The following NKAIN3 variants were observed in gnomAD, a reference collection of about 807,000 sequenced individuals.
The protein encoded by NKAIN3 is sodium/potassium-transporting ATPase subunit beta-1-interacting protein 3.
NKAIN3 carries 25 observed loss-of-function variants against 30.2 expected under a neutral mutation model. The observed-to-expected ratio is 0.83, with a 90% CI of 0.60 to 1.16. The LOEUF (loss-of-function observed/expected upper bound fraction) is 1.16, where lower values mean the gene tolerates loss of function less well. Among genes scored for constraint, NKAIN3 ranks in the 50% most tolerant of loss-of-function variants. The pLI is 0.00. For synonymous variants in NKAIN3, 91 were observed against 89.6 expected (o/e 1.02, Z -0.09); for missense variants, 225 against 254.1 (o/e 0.89, Z 0.78).
chr8:62,912,297 G>T (rs1168160748), intron 4 of NKAIN3, among the ~76,000 whole-genome samples: 1 of 152,158 alleles, frequency 6.6e-6, no homozygotes, highest in Non-Finnish European at 1.5e-5. Context: ...CTCTCGGTAA[G>T]TTGGTGAGGG....
rs573052716 is a variant in NKAIN3, at chr8:62,319,543, G to A, written c.54+70416G>A. Among the ~76,000 whole-genome samples, 41 of 152,048 alleles carry A rather than the reference G, an allele frequency of 2.7e-4. No homozygotes were observed. In the South Asian group the frequency reaches 5.2e-3, roughly 19 times the overall value. ...TCTGGTATGTTGTGTCTTTGTTCTC[G>A]TTGGTTTCAAAGAACATATTTATTT... On this transcript the variant is annotated intron_variant, in intron 1 of 6. Transcript: ENST00000623646.
intron 3 of NKAIN3, among the ~76,000 whole-genome samples, chr8:62,666,305 G>A (rs909873415): frequency 6.6e-6 from 1 of 152,128 alleles, no homozygotes; most frequent in Non-Finnish European, 1.5e-5. Context: ...ATATATGTGT[G>A]TGAGAAGACA....
rs987681425 is a variant in NKAIN3, at chr8:62,303,006, C to G, written c.54+53879C>G. ...ACTTGAGCTGCATACCTGAGTTCTACTTCAGGGGATGAGTATATAAGGAGA... is the reference window on the plus strand; with the variant it reads ...ACTTGAGCTGCATACCTGAGTTCTAGTTCAGGGGATGAGTATATAAGGAGA... On this transcript the variant is annotated intron_variant, in intron 1 of 6. Coordinates refer to ENST00000623646, the MANE Select transcript of NKAIN3 (RefSeq NM_001304533.3). Among the ~76,000 whole-genome samples the G allele has an allele frequency of 5.3e-5, 8 of 150,250 alleles. 2 individuals carry two copies. Among genetic ancestry groups the G allele is most frequent in the African/African-American group, 2.0e-4 (8 of 39,750 alleles).
intron 1 of NKAIN3, among the ~76,000 whole-genome samples, chr8:62,264,013 A>G (rs1281568751): frequency 8.5e-5 from 13 of 152,226 alleles, no homozygotes; most frequent in African/African-American, 2.2e-4. Flanking sequence ...ATTGCTAAAT[A>G]TATGTAGCAA....
intron 1 of NKAIN3, among the ~76,000 whole-genome samples, chr8:62,481,314 C>T (rs1282717113): frequency 6.6e-6 from 1 of 152,130 alleles, no homozygotes; most frequent in Non-Finnish European, 1.5e-5. Flanking sequence ...TCTTCATCCT[C>T]CATTTGTCTA....
At chr8:62,878,152 G>T (rs749205362) in intron 4 of NKAIN3, among the ~76,000 whole-genome samples, 23 of 151,946 alleles carry the variant, frequency 1.5e-4, no homozygotes, top group Non-Finnish European at 2.6e-4. Flanking sequence ...TTTTCTTCAG[G>T]TGTTTTAGAA....
chr8:62,578,748 C>A (rs1209328386), intron 1 of NKAIN3, among the ~76,000 whole-genome samples: 1 of 151,748 alleles, frequency 6.6e-6, no homozygotes, highest in Non-Finnish European at 1.5e-5. Context: ...CTAAGCCAAT[C>A]GTTTTATTAA....
chr8:62,822,722 T>G (rs1818886571), intron 4 of NKAIN3, among the ~76,000 whole-genome samples: 1 of 152,160 alleles, frequency 6.6e-6, no homozygotes, highest in South Asian at 2.1e-4. Flanking sequence ...GGGGACTTCC[T>G]TTTGCCGAAG....
At chr8:62,268,007 A>G (rs1191824875) in intron 1 of NKAIN3, among the ~76,000 whole-genome samples, 1 of 152,202 alleles carries the variant, frequency 6.6e-6, no homozygotes, top group African/African-American at 2.4e-5. Context: ...TTTCTTAACT[A>G]CAGGGTGTTT....
At chr8:62,679,403 G>A (rs1409240749) in intron 3 of NKAIN3, among the ~76,000 whole-genome samples, 3 of 152,320 alleles carry the variant, frequency 2.0e-5, no homozygotes, top group South Asian at 2.1e-4. Flanking sequence ...AGCACAGTAA[G>A]TAGATGGATC....
chr8:62,766,794 A>G (rs1257438022), intron 4 of NKAIN3, among the ~76,000 whole-genome samples: 3 of 152,168 alleles, frequency 2.0e-5, no homozygotes, highest in African/African-American at 7.2e-5. Context: ...CTTGTCCACC[A>G]AATCCCATCC....
At chr8:62,318,331 C>T (rs948835570) in intron 1 of NKAIN3, among the ~76,000 whole-genome samples, 6 of 152,124 alleles carry the variant, frequency 3.9e-5, no homozygotes, top group Non-Finnish European at 7.4e-5. Context: ...GTCCAACGTC[C>T]TATGTTGAAT....
intron 4 of NKAIN3, among the ~76,000 whole-genome samples, chr8:62,763,243 A>G (rs921379811): frequency 7.1e-6 from 1 of 140,658 alleles, no homozygotes; most frequent in Non-Finnish European, 1.5e-5. Flanking sequence ...AAAAAAAAAA[A>G]AAAAAAAAAA....
intron 1 of NKAIN3, among the ~76,000 whole-genome samples, chr8:62,273,726 G>A (rs1812843283): frequency 6.6e-6 from 1 of 152,202 alleles, no homozygotes; most frequent in Non-Finnish European, 1.5e-5. Flanking sequence ...AGTCAGCTTA[G>A]AAGAGATGTG....
rs78503923 is a variant in NKAIN3 at position 62,370,391 on chromosome 8, C to T, written c.54+121264C>T. ...ATGTAAACATTTAAAAATTTAACTC[C>T]TTAAACTTGCTTGAAGCTGAAAAAA... On this transcript the variant is annotated intron_variant, in intron 1 of 6. Transcript: ENST00000623646. 9.4e-3 allele frequency among the ~76,000 whole-genome samples: 1,421 copies of T among 151,950 alleles called. 17 individuals carry two copies. Among genetic ancestry groups the T allele is most frequent in the Non-Finnish European group, 0.015 (993 of 67,844 alleles).
chr8:62,973,360 C>G lies in NKAIN3; in HGVS notation c.*7953C>G, dbSNP rs1004878458. On this transcript the variant is annotated 3_prime_UTR_variant, in exon 7 of 7. Transcript: ENST00000623646. ...TGTATCCTTTTTAATGATCGCCATT[C>G]TAACTGGTGTGAGGTGGTATCTCAT... Among the ~76,000 whole-genome samples the G allele has an allele frequency of 6.6e-6, 1 of 152,172 alleles. No homozygotes were observed. The highest frequency in any genetic ancestry group is 1.5e-5 in the Non-Finnish European group (1 of 68,044).
intron 4 of NKAIN3, among the ~76,000 whole-genome samples, chr8:62,791,877 TTCTG>T (rs544203958): frequency 6.6e-6 from 1 of 152,154 alleles, no homozygotes; most frequent in Non-Finnish European, 1.5e-5. Flanking sequence ...GTGCTGATTG[TTCTG>T]TCTTTCTTGG....
chr8:62,297,764 G>T (rs1813886311), intron 1 of NKAIN3, among the ~76,000 whole-genome samples: 1 of 152,280 alleles, frequency 6.6e-6, no homozygotes, highest in South Asian at 2.1e-4. Flanking sequence ...AGTCAGTGTG[G>T]CGATTCCTCA....
At chr8:62,622,721 C>T (rs1484069913) in intron 3 of NKAIN3, among the ~76,000 whole-genome samples, 1 of 151,820 alleles carries the variant, frequency 6.6e-6, no homozygotes, top group Non-Finnish European at 1.5e-5. Flanking sequence ...CAGTGTGTAG[C>T]TTGTTTTTTC....
Sources: allele counts gnomAD v4.1 joint callset (sites outside exome capture counted in the v4.1 genomes callset), GRCh38; gene constraint gnomAD v4.1.1; transcripts MANE v1.5; gene names NCBI Gene and HGNC (gene_info 2026-07-23, HGNC 2026-07-21).